Variants in AK9 observed in about 807,000 individuals in gnomAD.
AK9 encodes the protein adenylate kinase 9.
A neutral mutation model predicts 239.6 loss-of-function variants in AK9; 191 were observed. The observed-to-expected ratio is 0.80, with a 90% confidence interval of 0.71 to 0.90. AK9 has a LOEUF of 0.90. AK9 is among the 40% of genes least tolerant of loss of function. The pLI is 0.00. For synonymous variants in AK9, 689 were observed against 721.0 expected (o/e 0.96, Z 0.71); for missense variants, 1,995 against 2,214.7 (o/e 0.90, Z 1.99).
intron 21 of AK9, among the ~76,000 whole-genome samples, chr6:109,567,520 A>T (rs2128188327): frequency 1.3e-5 from 2 of 152,274 alleles, no homozygotes; most frequent in East Asian, 3.9e-4. Context: ...AGCTGGTACC[A>T]TTCCTTATGA....
At chr6:109,564,647 TAGAA>T in intron 22 of AK9, 105 bp downstream of exon 22, 1 of 763,626 alleles carries the variant, frequency 1.3e-6, no homozygotes, top group Non-Finnish European at 2.0e-6. Context: ...GCATACAACA[TAGAA>T]AGAAATAAGT....
chr6:109,579,419 AGGCATAAACCTG>A (rs1788533598), intron 20 of AK9, 119 bp downstream of exon 20: 1 of 739,620 alleles, frequency 1.4e-6, no homozygotes, highest in African/African-American at 1.8e-5. Flanking sequence ...TCAAGAATAT[AGGCATAAACCTG>A]GGCTCTCATG....
intron 1 of AK9, among the ~76,000 whole-genome samples, chr6:109,687,986 A>G (rs190175926): frequency 8.5e-5 from 13 of 152,306 alleles, no homozygotes; most frequent in African/African-American, 2.2e-4. Context: ...GGTCACCTCA[A>G]TGCTTGCATA....
intron 3 of AK9, among the ~76,000 whole-genome samples, chr6:109,673,613 T>C (rs535997239): frequency 2.8e-4 from 42 of 152,198 alleles, no homozygotes; most frequent in Middle Eastern, 3.4e-3. Flanking sequence ...AAAGTTATCA[T>C]TGAAGACAAT....
intron 27 of AK9, among the ~76,000 whole-genome samples, chr6:109,536,541 A>G (rs187977630): frequency 1.3e-5 from 2 of 152,320 alleles, no homozygotes; most frequent in Admixed American, 1.3e-4. Flanking sequence ...CAATCATGTA[A>G]TCTGCAAACA....
intron 19 of AK9, among the ~76,000 whole-genome samples, chr6:109,580,304 G>T (rs1474959): frequency 0.59 from 89,695 of 151,878 alleles, 27,956 homozygotes; most frequent in South Asian, 0.84. Flanking sequence ...GCACCAAACC[G>T]GCCTTAACGA....
intron 17 of AK9, among the ~76,000 whole-genome samples, chr6:109,592,603 C>T (rs1432683801): frequency 5.9e-5 from 9 of 151,920 alleles, no homozygotes; most frequent in Admixed American, 4.6e-4. Context: ...CCTGCCACCT[C>T]GCCCGGCTAA....
intron 7 of AK9, among the ~76,000 whole-genome samples, chr6:109,658,434 G>A (rs1228018381): frequency 2.0e-5 from 3 of 152,164 alleles, no homozygotes; most frequent in Non-Finnish European, 4.4e-5. Context: ...ATTTCAGAAA[G>A]TGATTAAGTG....
chr6:109,576,503 C>T (rs1215085152), intron 20 of AK9, among the ~76,000 whole-genome samples: 1 of 142,556 alleles, frequency 7.0e-6, no homozygotes, highest in Non-Finnish European at 1.5e-5. Flanking sequence ...TGTTACATAG[C>T]AGTGCTACTA....
intron 32 of AK9, 66 bp downstream of exon 32, chr6:109,514,158 C>T: frequency 2.8e-6 from 4 of 1,409,612 alleles, no homozygotes; most frequent in Non-Finnish European, 3.9e-6. Flanking sequence ...AATTGACCTG[C>T]CATGTGCATT....
Position 109,675,685 on chromosome 6 carries a change from T to C in AK9, c.61A>G (p.Thr21Ala). The change falls in exon 2 of 41, where the codon ACT becomes GCT. Residue 21 changes from threonine (T) to alanine (A), a missense_variant. Coordinates refer to ENST00000424296, the MANE Select transcript of AK9 (RefSeq NM_001145128.3). ...TTGGACAACAAAAAATTCCTTTCAG[T>C]TTCATCTTCATCAAATATATCTGCA... ...PFADIFDEDETERNFLLSKPV... is the reference protein window; with the variant it reads ...PFADIFDEDEAERNFLLSKPV... The C allele has an allele frequency of 6.3e-7, 1 of 1,598,768 alleles. No homozygotes were observed. Among genetic ancestry groups the C allele is most frequent in the African/African-American group, 1.3e-5 (1 of 74,144 alleles).
intron 29 of AK9, 60 bp from the exon 30 acceptor site, chr6:109,516,702 TAAC>T (rs1779310865): frequency 7.3e-7 from 1 of 1,374,972 alleles, no homozygotes; most frequent in Non-Finnish European, 1.0e-6. Context: ...AAGACACTAT[TAAC>T]AAATCATCTG....
rs374801693 is a variant in AK9, at chr6:109,533,373, G to T, written c.3448C>A (p.Gln1150Lys). 1.2e-6 allele frequency: 2 copies of T among 1,610,520 alleles called. No homozygotes were observed. The highest frequency in any genetic ancestry group is 2.7e-5 in the African/African-American group (2 of 74,820). Residue 1150 changes from glutamine (Q) to lysine (K), a missense_variant, in exon 28 of 41, where the codon CAA becomes AAA. Physicochemically the swap from Gln to Lys is moderately conservative, Grantham distance 53. Around this residue, in one of 5 missense-constraint regions of AK9, gnomAD observed 1,290 missense variants for 1,392.7 expected, o/e 0.93. Transcript: ENST00000424296. ...GFFPDAAVFIQVDDQDIFDRL... is the reference protein window; with the variant it reads ...GFFPDAAVFIKVDDQDIFDRL... ...TCAAAAATATCTTGATCATCAACTT[G>T]TATAAAAACAGCTGCATCTGGGAAA... is the stretch of plus-strand genomic sequence containing the variant.
chr6:109,674,188 TA>T lies in AK9; in HGVS notation c.181+9del. On this transcript the variant is annotated intron_variant, in intron 3 of 40. Coordinates refer to ENST00000424296, the MANE Select transcript of AK9 (RefSeq NM_001145128.3). ...ATAATAAAATATTAGAGAAAAAAGA[TA>T]AAATTTACCTTCAACACGAATACAT... The T allele has an allele frequency of 1.3e-6, 2 of 1,564,610 alleles. No individual in the cohort carries two copies. The highest frequency in any genetic ancestry group is 2.4e-5 in the South Asian group (2 of 82,394).
chr6:109,600,308 A>C (rs1055236017), intron 17 of AK9, among the ~76,000 whole-genome samples: 1 of 152,190 alleles, frequency 6.6e-6, no homozygotes, highest in Non-Finnish European at 1.5e-5. Context: ...ATTTTCTTGA[A>C]GGCCTTTTCC....
intron 15 of AK9, among the ~76,000 whole-genome samples, chr6:109,612,324 G>T (rs902398729): frequency 6.6e-6 from 1 of 152,084 alleles, no homozygotes; most frequent in African/African-American, 2.4e-5. Context: ...GATCTAAATA[G>T]AAAAAAACAA....
At chr6:109,514,155 C>G in intron 32 of AK9, 69 bp downstream of exon 32, 1 of 1,387,944 alleles carries the variant, frequency 7.2e-7, no homozygotes, top group South Asian at 1.4e-5. Context: ...GTGAATTGAC[C>G]TGCCATGTGC....
intron 27 of AK9, among the ~76,000 whole-genome samples, chr6:109,539,776 G>C (rs1015512362): frequency 6.6e-6 from 1 of 152,130 alleles, no homozygotes; most frequent in African/African-American, 2.4e-5. Context: ...TACAGATGGG[G>C]TTTTGGTGTG....
chr6:109,650,843 A>G (rs1227788906), intron 8 of AK9, among the ~76,000 whole-genome samples: 1 of 152,236 alleles, frequency 6.6e-6, no homozygotes, highest in East Asian at 1.9e-4. Flanking sequence ...AATGTCGAAC[A>G]ACGACAGACT....
Sources: gnomAD v4.1 joint callset for allele counts (sites outside exome capture counted in the v4.1 genomes callset) on GRCh38, gnomAD v4.1.1 for gene constraint, gnomAD v4.1.1 regional missense constraint, MANE v1.5 for transcripts, NCBI Gene and HGNC (gene_info 2026-07-23, HGNC 2026-07-21) for gene names.